The following ANKRD11 variants were observed in gnomAD, a reference collection of about 807,000 sequenced individuals.
ANKRD11 encodes the protein ankyrin repeat domain 11.
ANKRD11 carries 17 observed loss-of-function variants against 195.7 expected under a neutral mutation model. The ratio of observed to expected loss-of-function variants is 0.09; its 90% CI spans 0.06 to 0.13. The LOEUF (loss-of-function observed/expected upper bound fraction) is 0.13. Ranked by LOEUF, ANKRD11 falls within the 10% of genes least tolerant of loss-of-function variation. ANKRD11 has a pLI of 1.00. For missense variants in ANKRD11, 3,735 were observed against 3,566.1 expected (o/e 1.05, Z -1.21); for synonymous variants, 1,953 against 1,528.1 (o/e 1.28, Z -6.49).
intron 2 of ANKRD11, among the ~76,000 whole-genome samples, chr16:89,331,731 C>A (rs1385992225): frequency 1.3e-5 from 2 of 152,218 alleles, no homozygotes; most frequent in African/African-American, 4.8e-5. Context: ...AGGGATCCTC[C>A]TGCCTCAGCC....
At chr16:89,348,586 T>C (rs1222430941) in intron 2 of ANKRD11, among the ~76,000 whole-genome samples, 1 of 152,206 alleles carries the variant, frequency 6.6e-6, no homozygotes, top group African/African-American at 2.4e-5. Flanking sequence ...GAAGGTTTCT[T>C]TGTGGGAAGG....
chr16:89,439,130 C>T (rs763240228), intron 1 of ANKRD11, among the ~76,000 whole-genome samples: 6 of 152,024 alleles, frequency 3.9e-5, no homozygotes, highest in Non-Finnish European at 8.8e-5. Context: ...CTGTGTGGCA[C>T]GTTGTTCAAA....
chr16:89,274,844 G>A lies in ANKRD11; in HGVS notation c.7683C>T (p.Ser2561=), dbSNP rs781285799. Residue 2561 remains serine (S), a synonymous_variant, in exon 11 of 13, where the codon TCC becomes TCT. Coordinates refer to ENST00000301030, the MANE Select transcript of ANKRD11 (RefSeq NM_013275.6). ...TCTCCAGGGGCATGTTGTAGACCTC[G>A]GAGTCCAGCAGCATCGTGCAGGCGC... ...PFSACTMLLD[S]EVYNMPLESQ... 189 of 1,612,292 alleles carry A rather than the reference G, an allele frequency of 1.2e-4. 1 individual carries two copies. Among genetic ancestry groups the A allele is most frequent in the Non-Finnish European group, 1.4e-4 (168 of 1,179,882 alleles).
chr16:89,370,386 C>A (rs925949290), intron 2 of ANKRD11, among the ~76,000 whole-genome samples: 2 of 152,164 alleles, frequency 1.3e-5, no homozygotes, highest in Non-Finnish European at 1.5e-5. Flanking sequence ...CCCAGCCACA[C>A]CCTGGGCCCA....
intron 1 of ANKRD11, among the ~76,000 whole-genome samples, chr16:89,487,647 G>A (rs1328763294): frequency 3.3e-5 from 5 of 152,058 alleles, no homozygotes; most frequent in African/African-American, 7.2e-5. Context: ...GGCGGTGGGC[G>A]CCTGTAATCC....
Position 89,280,170 on chromosome 16 carries a change from G to C in ANKRD11, c.6372C>G (p.Phe2124Leu), listed in dbSNP as rs758005924. 4.3e-6 allele frequency: 7 copies of C among 1,609,384 alleles called. No homozygotes were observed. The highest frequency in any genetic ancestry group is 5.9e-6 in the Non-Finnish European group (7 of 1,178,878). The change falls in exon 9 of 13, where the codon TTC (phenylalanine) becomes TTG (leucine). Residue 2124 changes from phenylalanine (F) to leucine (L), a missense_variant. Phe to Leu is a conservative substitution (Grantham distance 22). Transcript: ENST00000301030. ...GGTCCAGGTCGTCCTCGGGGCCGGC[G>C]AAGGCGTCCGCCCAGGGCACCGGCT... ...QVEPVPWADA[F>L]AGPEDDLDLG... is the part of the protein sequence containing the mutation.
intron 2 of ANKRD11, among the ~76,000 whole-genome samples, chr16:89,321,703 A>G (rs1446985029): frequency 1.4e-5 from 2 of 143,130 alleles, no homozygotes; most frequent in Admixed American, 6.9e-5. Context: ...AAACTCACAG[A>G]AAAAAAAAAA....
intron 2 of ANKRD11, among the ~76,000 whole-genome samples, chr16:89,340,943 G>C (rs77580808): frequency 9.9e-5 from 15 of 152,130 alleles, no homozygotes; most frequent in Non-Finnish European, 2.1e-4. Context: ...ATGTGGGAGT[G>C]AACATCAGCC....
chr16:89,343,637 C>G (rs2038799863), intron 2 of ANKRD11: 1 of 152,256 alleles, frequency 6.6e-6, no homozygotes, highest in Non-Finnish European at 1.5e-5. Flanking sequence ...CACAAGGCAG[C>G]AACTGGCCGG....
chr16:89,318,047 C>G (rs1354693280), intron 2 of ANKRD11, among the ~76,000 whole-genome samples: 1 of 152,224 alleles, frequency 6.6e-6, no homozygotes, highest in African/African-American at 2.4e-5. Flanking sequence ...CCCTCTCTTT[C>G]TGCAGGAAAC....
At chr16:89,375,644 G>A (rs1245379183) in intron 2 of ANKRD11, among the ~76,000 whole-genome samples, 6 of 151,888 alleles carry the variant, frequency 4.0e-5, no homozygotes, top group African/African-American at 1.2e-4. Flanking sequence ...AGTAGAGACA[G>A]GGGTTTCACC....
At chr16:89,319,165 G>C (rs1047785360) in intron 2 of ANKRD11, among the ~76,000 whole-genome samples, 4 of 152,240 alleles carry the variant, frequency 2.6e-5, no homozygotes, top group African/African-American at 9.6e-5. Context: ...GATCCCAGAT[G>C]TGAGTCTGTG....
intron 2 of ANKRD11, chr16:89,324,354 G>A (rs1279378128): frequency 1.9e-6 from 2 of 1,058,934 alleles, no homozygotes; most frequent in East Asian, 5.9e-5. Flanking sequence ...ACAGAAGAGG[G>A]AAAAAGCCAG....
chr16:89,278,930 G>A (rs1366068978), intron 9 of ANKRD11, 142 bp downstream of exon 9: 1 of 1,337,718 alleles, frequency 7.5e-7, no homozygotes, highest in Non-Finnish European at 1.0e-6. Context: ...CAGAAGTGGG[G>A]CTGTGTCTCC....
In ANKRD11 at chr16:89,327,887, G is replaced by A. The variant is rs142999894; in HGVS notation, c.-59-10809C>T. Among the ~76,000 whole-genome samples, 671 of 152,214 alleles carry A rather than the reference G, an allele frequency of 4.4e-3. 6 individuals are homozygous for A. The highest frequency in any genetic ancestry group is 0.016 in the African/African-American group (650 of 41,518). Reference sequence around the variant, plus strand: ...TCCATAAAAGAAAAAACTGATAAACGACCTCGACAAAATTAAAAACTTTTG... The same window carrying A: ...TCCATAAAAGAAAAAACTGATAAACAACCTCGACAAAATTAAAAACTTTTG... On this transcript the variant is annotated intron_variant, in intron 2 of 12. Transcript: ENST00000301030.
chr16:89,324,117 C>T (rs532889680), intron 2 of ANKRD11: 154 of 663,358 alleles, frequency 2.3e-4, no homozygotes, highest in South Asian at 4.1e-4. Flanking sequence ...CCCAAAGTGC[C>T]CCACGGCACA....
rs144673419 is a variant in ANKRD11, at chr16:89,282,565, G to A, written c.3977C>T (p.Thr1326Met). ...GLTAFLEVSF[T>M]EPPGDDKPRE... ...CGGCTTGTCGTCTCCAGGTGGCTCC[G>A]TGAAAGAGACCTCCAGGAAGGCAGT... The change falls in exon 9 of 13, where the codon ACG becomes ATG. Residue 1326 changes from threonine to methionine, a missense_variant. Thr to Met is a moderately conservative substitution (Grantham distance 81, BLOSUM62 -1). Coordinates refer to ENST00000301030, the MANE Select transcript of ANKRD11 (RefSeq NM_013275.6). 1,340 of 1,614,028 alleles carry A rather than the reference G, an allele frequency of 8.3e-4. 3 individuals are homozygous for A. The highest frequency in any genetic ancestry group is 1.0e-3 in the Non-Finnish European group (1,217 of 1,179,952).
At chr16:89,462,641 C>T (rs1346575887) in intron 1 of ANKRD11, among the ~76,000 whole-genome samples, 2 of 151,680 alleles carry the variant, frequency 1.3e-5, no homozygotes, top group African/African-American at 4.8e-5. Context: ...TCTTCCCGGC[C>T]GCCATCACAT....
chr16:89,361,704 T>C (rs1371747013), intron 2 of ANKRD11: 1 of 152,132 alleles, frequency 6.6e-6, no homozygotes, highest in Non-Finnish European at 1.5e-5. Context: ...CAGTAGAAGA[T>C]CACCACCCAG....
Sources: allele counts gnomAD v4.1 joint callset (sites outside exome capture counted in the v4.1 genomes callset), GRCh38; gene constraint gnomAD v4.1.1; transcripts MANE v1.5; gene names NCBI Gene and HGNC (gene_info 2026-07-23, HGNC 2026-07-21).